Variants in GLB1 observed in about 807,000 individuals in gnomAD.
The protein encoded by GLB1 is galactosidase beta 1.
GLB1 carries 56 observed loss-of-function variants against 74.0 expected under a neutral mutation model. The ratio of observed to expected loss-of-function variants is 0.76; its 90% confidence interval spans 0.61 to 0.94. The LOEUF (loss-of-function observed/expected upper bound fraction) is 0.94. Among genes scored for constraint, GLB1 ranks in the 40% least tolerant of loss-of-function variants. The pLI is 0.00. For synonymous variants in GLB1, 323 were observed against 323.6 expected (o/e 1.00, Z 0.02); for missense variants, 787 against 845.5 (o/e 0.93, Z 0.86).
intron 1 of GLB1, among the ~76,000 whole-genome samples, chr3:33,079,972 T>C (rs114605925): frequency 0.013 from 2,054 of 152,222 alleles, 44 homozygotes; most frequent in African/African-American, 0.047. Context: ...TCTGTAGAGA[T>C]AGGATCTCAC....
the GLB1 span, among the ~76,000 whole-genome samples, chr3:32,978,418 T>A: frequency 6.6e-6 from 1 of 152,176 alleles, no homozygotes; most frequent in Admixed American, 6.5e-5. Flanking sequence ...CTGTTTCAAT[T>A]GTTGAAGAGG....
At chr3:33,031,634 AAAAAAAATATATATATATATATATAT>A (rs1698024592) in intron 10 of GLB1, among the ~76,000 whole-genome samples, 1 of 64,190 alleles carries the variant, frequency 1.6e-5, no homozygotes, top group Non-Finnish European at 3.0e-5. Context: ...AAAAAAAAAA[AAAAAAAATATATATATATATATATAT>A]ATATATATAT....
chr3:33,035,065 A>C (rs1262191445), intron 10 of GLB1, among the ~76,000 whole-genome samples: 1 of 152,208 alleles, frequency 6.6e-6, no homozygotes, highest in Non-Finnish European at 1.5e-5. Context: ...CTTATTAAAA[A>C]AATAAACAAA....
the GLB1 span, among the ~76,000 whole-genome samples, chr3:32,979,967 T>C: frequency 6.6e-6 from 1 of 152,118 alleles, no homozygotes; most frequent in Non-Finnish European, 1.5e-5. Flanking sequence ...TACATATTTA[T>C]GGGTACAATG....
At chr3:33,053,648 C>T (rs72856120) in intron 6 of GLB1, 99 bp from the exon 7 acceptor site, 4 of 1,502,460 alleles carry the variant, frequency 2.7e-6, no homozygotes, top group Admixed American at 1.8e-5. Context: ...AGCCCTGCTA[C>T]GGTCAGAATG....
Position 33,068,981 on chromosome 3 carries a change from A to G in GLB1, c.246-11T>C. 2.5e-6 allele frequency: 4 copies of G among 1,614,016 alleles called. No homozygotes were observed. Among genetic ancestry groups the G allele is most frequent in the Non-Finnish European group, 3.4e-6 (4 of 1,179,870 alleles). On this transcript the variant is annotated splice_polypyrimidine_tract_variant and intron_variant, in intron 2 of 15. Coordinates refer to ENST00000307363, the MANE Select transcript of GLB1 (RefSeq NM_000404.4). Reference sequence around the variant, plus strand: ...TTCCAGGGCACATACCTGCCAAGACACACACAGCCCCTTCCTGGATACTTG... The same window carrying G: ...TTCCAGGGCACATACCTGCCAAGACGCACACAGCCCCTTCCTGGATACTTG...
chr3:33,042,507 A>C (rs1234956867), intron 10 of GLB1, among the ~76,000 whole-genome samples: 8 of 150,876 alleles, frequency 5.3e-5, no homozygotes, highest in Non-Finnish European at 7.4e-5. Flanking sequence ...AGCTGGGACT[A>C]CAGGCGCCCG....
At chr3:33,096,020 TGTACCACTTTTCTCTGCCCTAG>T (rs1294071134) in intron 1 of GLB1, among the ~76,000 whole-genome samples, 1 of 152,222 alleles carries the variant, frequency 6.6e-6, no homozygotes, top group Non-Finnish European at 1.5e-5. Flanking sequence ...TGTAGATAAA[TGTACCACTTTTCTCTGCCCTAG>T]GCACGTTATT....
chr3:32,998,787 C>T (rs1252276064), intron 15 of GLB1, among the ~76,000 whole-genome samples: 1 of 152,164 alleles, frequency 6.6e-6, no homozygotes, highest in East Asian at 1.9e-4. Context: ...CCATGGCTGA[C>T]ACCTGCTGAG....
At chr3:33,004,492 G>A (rs939040262) in intron 15 of GLB1, among the ~76,000 whole-genome samples, 2 of 152,158 alleles carry the variant, frequency 1.3e-5, no homozygotes, top group Admixed American at 6.5e-5. Flanking sequence ...AGTGAGTGAC[G>A]TTTAAAAACT....
intron 4 of GLB1, among the ~76,000 whole-genome samples, chr3:33,065,872 CAGG>C (rs2125544202): frequency 6.7e-6 from 1 of 149,110 alleles, no homozygotes; most frequent in East Asian, 2.0e-4. Context: ...GAGGCTGAGG[CAGG>C]AGAATTGCTT....
chr3:33,093,420 A>G lies in GLB1; in HGVS notation c.75+3591T>C. 6.2e-7 allele frequency: 1 copy of G among 1,614,090 alleles called. No homozygotes were observed. Among genetic ancestry groups the G allele is most frequent in the Non-Finnish European group, 8.5e-7 (1 of 1,180,026 alleles). ...TGAATGAAGCTGGCCCAGAGGAGCGACAGCCGTCCGCAGGACCGAGGCTTC... is the reference window on the plus strand; with the variant it reads ...TGAATGAAGCTGGCCCAGAGGAGCGGCAGCCGTCCGCAGGACCGAGGCTTC... On this transcript the variant is annotated intron_variant, in intron 1 of 15. Coordinates refer to ENST00000307363, the MANE Select transcript of GLB1 (RefSeq NM_000404.4). The surrounding 1 kb of genome is among the most constrained non-coding windows in gnomAD (Gnocchi z 6.0).
intron 9 of GLB1, among the ~76,000 whole-genome samples, chr3:33,051,311 T>C (rs34652262): frequency 0.1 from 15,168 of 150,362 alleles, 876 homozygotes; most frequent in Non-Finnish European, 0.12. Context: ...GTTAGAAAAT[T>C]TAGGGCCAGG....
At chr3:33,028,472 TC>T (rs200659452) in intron 10 of GLB1, among the ~76,000 whole-genome samples, 1 of 152,250 alleles carries the variant, frequency 6.6e-6, no homozygotes, top group East Asian at 1.9e-4. Flanking sequence ...GCCTCTTTTT[TC>T]TCGTTTTGTT....
chr3:32,961,126 T>G, the GLB1 span, among the ~76,000 whole-genome samples: 1 of 152,248 alleles, frequency 6.6e-6, no homozygotes, highest in Non-Finnish European at 1.5e-5. Context: ...AAAAATTACT[T>G]TATTAAGACT....
intron 15 of GLB1, among the ~76,000 whole-genome samples, chr3:32,998,085 G>A (rs9810955): frequency 0.061 from 9,365 of 152,302 alleles, 522 homozygotes; most frequent in African/African-American, 0.14. Context: ...GATGCTATAG[G>A]TTGCATAAAC....
the GLB1 span, among the ~76,000 whole-genome samples, chr3:32,989,708 T>G: frequency 6.6e-6 from 1 of 152,210 alleles, no homozygotes; most frequent in African/African-American, 2.4e-5. Flanking sequence ...TACAAAACTT[T>G]CTCCTTGCAG....
At chr3:33,045,582 A>T in intron 10 of GLB1, 1 of 990,862 alleles carries the variant, frequency 1.0e-6, no homozygotes, top group South Asian at 4.5e-5. Context: ...TGGTTACTGG[A>T]AACTTACTTT....
chr3:32,977,081 C>T, the GLB1 span, among the ~76,000 whole-genome samples: 3 of 152,050 alleles, frequency 2.0e-5, no homozygotes, highest in East Asian at 1.9e-4. Context: ...ATGGTGAGAT[C>T]GTTCATGAAC....
Sources: allele counts gnomAD v4.1 joint callset (sites outside exome capture counted in the v4.1 genomes callset), GRCh38; gene constraint gnomAD v4.1.1; non-coding constraint Gnocchi (gnomAD v3.1); transcripts MANE v1.5; gene names NCBI Gene and HGNC (gene_info 2026-07-23, HGNC 2026-07-21).